The following SLC16A4 variants were observed in gnomAD, a reference collection of about 807,000 sequenced individuals.
SLC16A4 encodes the protein solute carrier family 16 member 4, also known as probable monocarboxylate transporter 5.
A neutral mutation model predicts 47.9 loss-of-function variants in SLC16A4; 39 were observed. That is an observed-to-expected ratio of 0.81 (90% CI 0.63 to 1.06). SLC16A4 has a LOEUF of 1.06. Among genes scored for constraint, SLC16A4 ranks in the 50% least tolerant of loss-of-function variants. The pLI is 0.00. For synonymous variants in SLC16A4, 189 were observed against 199.9 expected (o/e 0.95, Z 0.46); for missense variants, 524 against 573.8 (o/e 0.91, Z 0.89).
intron 5 of SLC16A4, among the ~76,000 whole-genome samples, chr1:110,380,679 T>C (rs939947668): frequency 2.6e-5 from 4 of 152,116 alleles, no homozygotes; most frequent in Non-Finnish European, 5.9e-5. Flanking sequence ...GAAGTATCGC[T>C]TTTACTGCAA....
chr1:110,377,101 T>C lies in SLC16A4; in HGVS notation c.1091A>G (p.Lys364Arg). 6.2e-7 allele frequency: 1 copy of C among 1,614,182 alleles called. No individual in the cohort carries two copies. The highest frequency in any genetic ancestry group is 2.2e-5 in the East Asian group (1 of 44,868). Residue 364 changes from lysine to arginine, a missense_variant, in exon 7 of 9, where the codon AAG becomes AGG. Lys to Arg is a conservative substitution (Grantham distance 26). Transcript: ENST00000369779. The stretch of plus-strand genomic sequence containing the variant: ...GTAAGACTTGTGGTAATGATACTTC[T>C]TAATCCAGTTTTGATCAGCAACCCA... ...SGWVADQNWI[K>R]KYHYHKSYLI...
Position 110,363,673 on chromosome 1 carries a change from G to A in SLC16A4, c.*93C>T. ...TTTTCCTTCTCATGTTACAAATGTAGATGCGATGTGTTTCTTTCAAGCTTT... is the reference window on the plus strand; with the variant it reads ...TTTTCCTTCTCATGTTACAAATGTAAATGCGATGTGTTTCTTTCAAGCTTT... On this transcript the variant is annotated 3_prime_UTR_variant, in exon 9 of 9. Transcript: ENST00000369779. The A allele has an allele frequency of 9.3e-7, 1 of 1,078,100 alleles. No homozygotes were observed. The highest frequency in any genetic ancestry group is 2.4e-4 in the Middle Eastern group (1 of 4,150). The allele number at this position is 1,078,100 out of a possible 1,614,324, so 66.8% of individuals were successfully genotyped here.
intron 2 of SLC16A4, 36 bp downstream of exon 2, chr1:110,389,201 A>G: frequency 6.6e-7 from 1 of 1,524,176 alleles, no homozygotes; most frequent in Non-Finnish European, 9.1e-7. Flanking sequence ...GCCTGCTTTT[A>G]GGCAATAGGA....
chr1:110,385,309 G>A (rs541171891), intron 2 of SLC16A4, among the ~76,000 whole-genome samples: 3 of 152,222 alleles, frequency 2.0e-5, no homozygotes, highest in East Asian at 1.9e-4. Context: ...TGGGGGAGGC[G>A]GCATTGGGGA....
intron 6 of SLC16A4, among the ~76,000 whole-genome samples, chr1:110,377,588 A>C (rs1380816696): frequency 6.6e-6 from 1 of 152,226 alleles, no homozygotes; most frequent in Non-Finnish European, 1.5e-5. Flanking sequence ...AGATTGGAGT[A>C]TAAATAAGTC....
chr1:110,376,180 C>T (rs548312556), intron 7 of SLC16A4, among the ~76,000 whole-genome samples: 35 of 152,180 alleles, frequency 2.3e-4, no homozygotes, highest in African/African-American at 7.2e-4. Flanking sequence ...CCCGGCCAGA[C>T]GGTGATATTC....
At chr1:110,387,790 G>C (rs1301768923) in intron 2 of SLC16A4, among the ~76,000 whole-genome samples, 2 of 152,342 alleles carry the variant, frequency 1.3e-5, no homozygotes. Flanking sequence ...TCAGACTTAG[G>C]GCATCCTTTA....
At chr1:110,388,462 A>G (rs1355412491) in intron 2 of SLC16A4, among the ~76,000 whole-genome samples, 1 of 152,190 alleles carries the variant, frequency 6.6e-6, no homozygotes, top group Non-Finnish European at 1.5e-5. Flanking sequence ...CAGGCCAAAC[A>G]GAGGAAATGT....
chr1:110,364,491 T>C (rs1661261831), intron 8 of SLC16A4, among the ~76,000 whole-genome samples: 1 of 142,058 alleles, frequency 7.0e-6, no homozygotes, highest in African/African-American at 2.6e-5. Context: ...CCCCCTGAAA[T>C]CTAAATGCTT....
At chr1:110,383,918 C>T (rs1380707264) in intron 2 of SLC16A4, among the ~76,000 whole-genome samples, 1 of 142,362 alleles carries the variant, frequency 7.0e-6, no homozygotes, top group Non-Finnish European at 1.5e-5. Flanking sequence ...TGGGAATGAA[C>T]AAGGACAGCT....
rs767151843 is a variant in SLC16A4, at chr1:110,379,248, CCTTTAT to C, written c.629_634del (p.Asp210_Lys211del). 10 of 1,614,140 alleles carry C rather than the reference CCTTTAT, an allele frequency of 6.2e-6. No individual in the cohort carries two copies. Among genetic ancestry groups the C allele is most frequent in the Non-Finnish European group, 7.6e-6 (9 of 1,180,028 alleles). On this transcript the variant is annotated inframe_deletion, in exon 6 of 9. Transcript: ENST00000369779. ...TGGACCATGTGCAGACAAACTGCTGCCTTTATCTTTAATACCAGAATTGTTCTCACT... is the reference window on the plus strand; with the variant it reads ...TGGACCATGTGCAGACAAACTGCTGCCTTTAATACCAGAATTGTTCTCACT...
chr1:110,376,712 G>T (rs1173800898), intron 7 of SLC16A4, among the ~76,000 whole-genome samples: 1 of 150,454 alleles, frequency 6.6e-6, no homozygotes, highest in African/African-American at 2.5e-5. Flanking sequence ...AAGGAATCCT[G>T]CTGATCCCTT....
chr1:110,366,579 G>A (rs1238400836), intron 8 of SLC16A4, among the ~76,000 whole-genome samples: 1 of 152,106 alleles, frequency 6.6e-6, no homozygotes, highest in Non-Finnish European at 1.5e-5. Flanking sequence ...TTGGATACAC[G>A]AGTATCTTTC....
chr1:110,380,369 A>ATTT, intron 5 of SLC16A4, among the ~76,000 whole-genome samples: 1 of 152,176 alleles, frequency 6.6e-6, no homozygotes, highest in Non-Finnish European at 1.5e-5. Flanking sequence ...ATACACACAT[A>ATTT]TACATGTATT....
chr1:110,389,790 T>C (rs1273914577), intron 1 of SLC16A4, among the ~76,000 whole-genome samples: 2 of 152,042 alleles, frequency 1.3e-5, no homozygotes, highest in Non-Finnish European at 2.9e-5. Flanking sequence ...CTTGAGCAAA[T>C]TGATGCAGAA....
Position 110,378,973 on chromosome 1 carries a change from A to G in SLC16A4, c.910T>C (p.Phe304Leu). 1 of 1,614,202 alleles carries G rather than the reference A, an allele frequency of 6.2e-7. No homozygotes were observed. The highest frequency in any genetic ancestry group is 8.5e-7 in the Non-Finnish European group (1 of 1,180,042). Reference sequence around the variant, plus strand: ...TGACTGAGGAGAAAAGACCAAGTAAATATGTAGAAGAAAGGATTTCTAAAG... The same window carrying G: ...TGACTGAGGAGAAAAGACCAAGTAAGTATGTAGAAGAAAGGATTTCTAAAG... ...SLFRNPFFYI[F>L]TWSFLLSQLA... The change falls in exon 6 of 9, where the codon TTT (phenylalanine) becomes CTT (leucine). Residue 304 changes from phenylalanine (F) to leucine (L), a missense_variant. Physicochemically the swap from Phe to Leu is conservative, Grantham distance 22 (BLOSUM62 0). Transcript: ENST00000369779.
Position 110,379,285 on chromosome 1 carries a change from T to C in SLC16A4, c.598A>G (p.Ile200Val). The change falls in exon 6 of 9, where the codon ATC (isoleucine) becomes GTC (valine). Residue 200 changes from isoleucine (I) to valine (V), a missense_variant. By Grantham distance (29) the Ile-to-Val change is conservative. Coordinates refer to ENST00000369779, the MANE Select transcript of SLC16A4 (RefSeq NM_004696.3). ...PSSMLLRPIH[I>V]KSENNSGIKD... ...ATACCAGAATTGTTCTCACTTTTGATATGGATGGGTCTTAAGAGCATACTA... is the reference window on the plus strand; with the variant it reads ...ATACCAGAATTGTTCTCACTTTTGACATGGATGGGTCTTAAGAGCATACTA... The C allele has an allele frequency of 6.2e-7, 1 of 1,614,098 alleles. No homozygotes were observed. Among genetic ancestry groups the C allele is most frequent in the Non-Finnish European group, 8.5e-7 (1 of 1,179,980 alleles).
intron 3 of SLC16A4, among the ~76,000 whole-genome samples, chr1:110,382,031 G>C (rs1662428818): frequency 6.6e-6 from 1 of 152,144 alleles, no homozygotes; most frequent in South Asian, 2.1e-4. Flanking sequence ...AGGTTTGGAG[G>C]GGAGGTGATT....
intron 8 of SLC16A4, among the ~76,000 whole-genome samples, chr1:110,369,858 T>G (rs1661596960): frequency 6.6e-6 from 1 of 152,202 alleles, no homozygotes; most frequent in Non-Finnish European, 1.5e-5. Flanking sequence ...TGTGCCATGA[T>G]CGGAAAAATC....
Sources: allele counts gnomAD v4.1 joint callset (sites outside exome capture counted in the v4.1 genomes callset), GRCh38; gene constraint gnomAD v4.1.1; transcripts MANE v1.5; gene names NCBI Gene and HGNC (gene_info 2026-07-23, HGNC 2026-07-21).